The following MUSK variants were observed in gnomAD, a reference collection of about 807,000 sequenced individuals.
MUSK encodes the protein muscle associated receptor tyrosine kinase.
Under a neutral mutation model 88.7 loss-of-function variants are expected in MUSK, and 55 were observed. The ratio of observed to expected loss-of-function variants is 0.62; its 90% CI spans 0.50 to 0.78. The LOEUF (loss-of-function observed/expected upper bound fraction) is 0.78. MUSK is among the 30% of genes least tolerant of loss of function. The pLI is 0.00. For missense variants in MUSK, 1,015 were observed against 1,074.3 expected (o/e 0.94, Z 0.77); for synonymous variants, 387 against 391.9 (o/e 0.99, Z 0.15).
At chr9:110,677,678 T>C (rs993050187) in intron 1 of MUSK, among the ~76,000 whole-genome samples, 2 of 152,206 alleles carry the variant, frequency 1.3e-5, no homozygotes, top group Non-Finnish European at 2.9e-5. Context: ...CAAGCCAAAT[T>C]TGAATCATCC....
intron 13 of MUSK, 105 bp downstream of exon 13, chr9:110,785,823 T>C (rs1406465887): frequency 4.5e-5 from 26 of 581,056 alleles, no homozygotes; most frequent in Non-Finnish European, 6.6e-5. Context: ...TATATATATA[T>C]ACACACACAT....
At position 110,775,963 on chromosome 9, in the gene MUSK, G is replaced by C. The variant is rs202239254; in HGVS notation, c.1360G>C (p.Asp454His). 1.2e-6 allele frequency: 2 copies of C among 1,607,564 alleles called. No homozygotes were observed. Among genetic ancestry groups the C allele is most frequent in the East Asian group, 4.5e-5 (2 of 44,742 alleles). Residue 454 changes from aspartate to histidine, a missense_variant and splice_region_variant, in exon 10 of 15, where the codon GAT (aspartate) becomes CAT (histidine). Physicochemically the swap from Asp to His is moderately conservative, Grantham distance 81. Transcript: ENST00000374448. ...GGCCTGTGCCAGACTGCCACATCTA[G>C]GTAACACAGAGTTCTCCCAAGACTT... ...PTACARLPHL[D>H]YNKENLKTFP...
chr9:110,759,440 A>G lies in MUSK; in HGVS notation c.914-2762A>G, dbSNP rs562306809. Among the ~76,000 whole-genome samples the G allele has an allele frequency of 3.3e-5, 5 of 152,346 alleles. No homozygotes were observed. The South Asian group carries it at 1.0e-3, about 32-fold the overall frequency. On this transcript the variant is annotated intron_variant, in intron 7 of 14. Coordinates refer to ENST00000374448, the MANE Select transcript of MUSK (RefSeq NM_005592.4). ...CAAAAATTTCATGATGAAAATGCCAAAAGCACTTGCAGCCAAAGCAAATCT... is the reference window on the plus strand; with the variant it reads ...CAAAAATTTCATGATGAAAATGCCAGAAGCACTTGCAGCCAAAGCAAATCT...
intron 7 of MUSK, among the ~76,000 whole-genome samples, chr9:110,755,943 T>TATAC (rs1554750794): frequency 8.7e-4 from 66 of 75,462 alleles, no homozygotes; most frequent in African/African-American, 3.6e-3. Flanking sequence ...CATATATATA[T>TATAC]ATATATACAC....
chr9:110,686,431 C>A (rs370618620), intron 2 of MUSK, among the ~76,000 whole-genome samples: 1 of 152,148 alleles, frequency 6.6e-6, no homozygotes, highest in Non-Finnish European at 1.5e-5. Context: ...GCTTACCACA[C>A]GCATTTGGCA....
chr9:110,693,085 G>C (rs915305009), intron 3 of MUSK, among the ~76,000 whole-genome samples: 3 of 152,140 alleles, frequency 2.0e-5, no homozygotes, highest in Non-Finnish European at 4.4e-5. Flanking sequence ...AGAGAAGTAA[G>C]AAATCAAATA....
chr9:110,764,790 G>GT (rs1435800971), intron 8 of MUSK, among the ~76,000 whole-genome samples: 1 of 152,126 alleles, frequency 6.6e-6, no homozygotes, highest in East Asian at 1.9e-4. Context: ...GTATGTGTAT[G>GT]TTTTTTCCCA....
chr9:110,739,881 G>A (rs1314332270), intron 6 of MUSK, among the ~76,000 whole-genome samples: 1 of 152,068 alleles, frequency 6.6e-6, no homozygotes, highest in Non-Finnish European at 1.5e-5. Flanking sequence ...GCTATTTTCA[G>A]TTTTCATTTC....
At chr9:110,681,014 A>AATATT (rs2076104743) in intron 1 of MUSK, among the ~76,000 whole-genome samples, 1 of 30,956 alleles carries the variant, frequency 3.2e-5, no homozygotes, top group Non-Finnish European at 5.4e-5. Context: ...TATTATATAT[A>AATATT]ATATATATTA....
intron 8 of MUSK, among the ~76,000 whole-genome samples, chr9:110,762,957 G>T (rs1588006745): frequency 6.6e-6 from 1 of 152,102 alleles, no homozygotes; most frequent in Non-Finnish European, 1.5e-5. Flanking sequence ...CAACCACTGA[G>T]AATAGATTTT....
In MUSK at chr9:110,747,721, ACT is replaced by A; in HGVS notation, c.837_838del (p.Tyr280HisfsTer7). ...TGCAGCTGTTTATCACCAAGCCAGGACTCTACACATGCATAGCTACCAATAAG... is the reference window on the plus strand; with the variant it reads ...TGCAGCTGTTTATCACCAAGCCAGGACTACACATGCATAGCTACCAATAAG... ...RLQLFITKPG[L>X]YTCIATNKHG... is the part of the protein sequence containing the mutation. On this transcript the variant is annotated frameshift_variant, in exon 7 of 15. Transcript: ENST00000374448. LOFTEE classifies it high-confidence loss of function. 6.2e-7 allele frequency: 1 copy of A among 1,613,738 alleles called. No homozygotes were observed. The highest frequency in any genetic ancestry group is 8.5e-7 in the Non-Finnish European group (1 of 1,179,752).
At position 110,804,289 on chromosome 9, in the gene MUSK, G is replaced by A. The variant is rs773321958; in HGVS notation, c.*3301G>A. ...TTATGAAAATTCAGAGAAAGGAAAT[G>A]TCTGGACCAAATGGCATGTACAATA... On this transcript the variant is annotated 3_prime_UTR_variant, in exon 15 of 15. Coordinates refer to ENST00000374448, the MANE Select transcript of MUSK (RefSeq NM_005592.4). Among the ~76,000 whole-genome samples, 5 of 152,054 alleles carry A rather than the reference G, an allele frequency of 3.3e-5. No homozygotes were observed. The highest frequency in any genetic ancestry group is 7.4e-5 in the Non-Finnish European group (5 of 67,962).
chr9:110,728,835 G>A lies in MUSK; in HGVS notation c.629-5416G>A, dbSNP rs944787302. On this transcript the variant is annotated intron_variant, in intron 5 of 14. Transcript: ENST00000374448. ...CATTTTTAAAGAAATAACAAACAAT[G>A]TATGGGGAATATTAAGTCACAGCAC... 14 of 729,802 alleles carry A rather than the reference G, an allele frequency of 1.9e-5. No individual in the cohort carries two copies. In the African/African-American group the frequency reaches 2.0e-4, roughly 10 times the overall value. 45.2% of individuals were successfully genotyped at this position (729,802 alleles called of 1,614,324 possible). A position where few individuals can be genotyped will look rare whatever the true frequency, so the allele number is the denominator to read the frequency against.
At chr9:110,688,198 C>T (rs930805261) in intron 3 of MUSK, among the ~76,000 whole-genome samples, 5 of 152,038 alleles carry the variant, frequency 3.3e-5, no homozygotes, top group Non-Finnish European at 1.5e-5. Flanking sequence ...TAGGCACTTC[C>T]CCATATTTAT....
chr9:110,689,838 CTATATATT>C (rs2076287258), intron 3 of MUSK, among the ~76,000 whole-genome samples: 1 of 87,026 alleles, frequency 1.1e-5, no homozygotes, highest in Non-Finnish European at 2.0e-5. Flanking sequence ...AAATATGTAA[CTATATATT>C]TATATATAAC....
chr9:110,739,075 A>G (rs2077063942), intron 6 of MUSK, among the ~76,000 whole-genome samples: 1 of 152,042 alleles, frequency 6.6e-6, no homozygotes, highest in African/African-American at 2.4e-5. Flanking sequence ...TGTTCCTTCC[A>G]TTGGAGCTGC....
intron 10 of MUSK, among the ~76,000 whole-genome samples, 174 bp downstream of exon 10, chr9:110,776,137 A>G (rs1451822423): frequency 6.6e-6 from 1 of 152,094 alleles, no homozygotes; most frequent in Non-Finnish European, 1.5e-5. Context: ...CTAATTGTAC[A>G]GATTAGCGTA....
intron 5 of MUSK, among the ~76,000 whole-genome samples, chr9:110,703,063 T>C (rs1346562654): frequency 6.6e-6 from 1 of 152,118 alleles, no homozygotes; most frequent in Non-Finnish European, 1.5e-5. Flanking sequence ...TGGATATACC[T>C]ACACTGAGGA....
At chr9:110,706,438 C>T (rs944364983) in intron 5 of MUSK, among the ~76,000 whole-genome samples, 4 of 152,056 alleles carry the variant, frequency 2.6e-5, no homozygotes, top group African/African-American at 9.7e-5. Context: ...CTTCTCTAAT[C>T]CACTTCACAT....
Sources: gnomAD v4.1 joint callset for allele counts (sites outside exome capture counted in the v4.1 genomes callset) on GRCh38, gnomAD v4.1.1 for gene constraint, MANE v1.5 for transcripts, NCBI Gene and HGNC (gene_info 2026-07-23, HGNC 2026-07-21) for gene names.